SGCZ: variants seen among roughly 807,000 people sequenced by gnomAD.
The protein encoded by SGCZ is sarcoglycan zeta.
SGCZ carries 40 observed loss-of-function variants against 41.3 expected under a neutral mutation model. That is an observed-to-expected ratio of 0.97 (90% CI 0.75 to 1.26). SGCZ has a LOEUF of 1.26. Among genes scored for constraint, SGCZ ranks in the 50% most tolerant of loss-of-function variants. The pLI is 0.00. For missense variants in SGCZ, 552 were observed against 369.8 expected (o/e 1.49, Z -4.04); for synonymous variants, 206 against 137.5 (o/e 1.50, Z -3.49).
intron 1 of SGCZ, among the ~76,000 whole-genome samples, chr8:15,000,925 A>C (rs1042399264): frequency 2.6e-5 from 4 of 152,098 alleles, no homozygotes; most frequent in African/African-American, 9.7e-5. Context: ...CTGTGTCCTT[A>C]ATTCTTTCTT....
At chr8:14,842,807 A>G (rs1802971034) in intron 1 of SGCZ, among the ~76,000 whole-genome samples, 2 of 152,204 alleles carry the variant, frequency 1.3e-5, no homozygotes, top group South Asian at 4.1e-4. Context: ...GCATTTCAGG[A>G]GAGGCTATTA....
At chr8:15,061,428 T>G (rs147843622) in intron 1 of SGCZ, among the ~76,000 whole-genome samples, 85 of 151,446 alleles carry the variant, frequency 5.6e-4, no homozygotes, top group Non-Finnish European at 3.7e-4. Context: ...AAATACCTAA[T>G]GTACATGAGG....
At chr8:15,061,350 A>T (rs528083524) in intron 1 of SGCZ, among the ~76,000 whole-genome samples, 2 of 152,108 alleles carry the variant, frequency 1.3e-5, no homozygotes, top group African/African-American at 4.8e-5. Context: ...ACATGGACAC[A>T]GGGAGGAGAA....
At chr8:14,428,202 A>G (rs1264027090) in intron 2 of SGCZ, among the ~76,000 whole-genome samples, 1 of 151,794 alleles carries the variant, frequency 6.6e-6, no homozygotes, top group African/African-American at 2.4e-5. Flanking sequence ...ACATAAGCAC[A>G]TAATTACCTA....
Position 14,270,460 on chromosome 8 carries a change from G to A in SGCZ, c.337-32781C>T, listed in dbSNP as rs554837921. Among the ~76,000 whole-genome samples, 14 of 152,248 alleles carry A rather than the reference G, an allele frequency of 9.2e-5. No homozygotes were observed. In the South Asian group the frequency reaches 1.7e-3, roughly 18 times the overall value. ...TCCCAGTTACATTTTAAAATGAACC[G>A]ATACGGCTTCAGTTTTTCTAAATCT... is the stretch of plus-strand genomic sequence containing the variant. On this transcript the variant is annotated intron_variant, in intron 3 of 7. Transcript: ENST00000382080.
At chr8:14,255,996 T>C (rs897521562) in intron 3 of SGCZ, among the ~76,000 whole-genome samples, 1 of 152,146 alleles carries the variant, frequency 6.6e-6, no homozygotes, top group Non-Finnish European at 1.5e-5. Flanking sequence ...ATATTACATC[T>C]CTCACTTCGA....
chr8:14,654,359 C>T (rs13265711), intron 1 of SGCZ, among the ~76,000 whole-genome samples: 105,790 of 151,914 alleles, frequency 0.7, 39,753 homozygotes, highest in Non-Finnish European at 0.85. Context: ...GCTCACTGTG[C>T]CTCATTTTAC....
At chr8:14,240,131 A>C (rs2117175779) in intron 3 of SGCZ, among the ~76,000 whole-genome samples, 1 of 151,818 alleles carries the variant, frequency 6.6e-6, no homozygotes, top group East Asian at 2.0e-4. Context: ...GTTTGAAACC[A>C]GCCTGGCCAA....
At chr8:14,337,318 T>G (rs1405528243) in intron 2 of SGCZ, among the ~76,000 whole-genome samples, 2 of 152,080 alleles carry the variant, frequency 1.3e-5, no homozygotes, top group Non-Finnish European at 2.9e-5. Context: ...CCTGATAAGG[T>G]GGAAGAGACT....
At chr8:14,146,729 G>A (rs957891353) in intron 5 of SGCZ, among the ~76,000 whole-genome samples, 9 of 149,974 alleles carry the variant, frequency 6.0e-5, no homozygotes, top group Admixed American at 1.3e-4. Flanking sequence ...AAAATTAGCC[G>A]GGCGTAGTGG....
At chr8:14,858,792 G>C (rs58258770) in intron 1 of SGCZ, among the ~76,000 whole-genome samples, 7 of 151,856 alleles carry the variant, frequency 4.6e-5, no homozygotes, top group Non-Finnish European at 7.4e-5. Context: ...TTCATTATAT[G>C]ATATCAAAAT....
chr8:14,498,433 T>C (rs2117046084), intron 2 of SGCZ, among the ~76,000 whole-genome samples: 1 of 152,202 alleles, frequency 6.6e-6, no homozygotes, highest in African/African-American at 2.4e-5. Flanking sequence ...CATAATGCAA[T>C]ATGAGTGGAT....
chr8:15,170,240 G>A (rs1388448656), intron 1 of SGCZ, among the ~76,000 whole-genome samples: 1 of 152,116 alleles, frequency 6.6e-6, no homozygotes, highest in Non-Finnish European at 1.5e-5. Context: ...TGGCCACCTT[G>A]ACTTTCATAC....
At chr8:14,499,973 C>CA (rs199900265) in intron 2 of SGCZ, among the ~76,000 whole-genome samples, 169 of 150,922 alleles carry the variant, frequency 1.1e-3, no homozygotes, top group East Asian at 9.1e-3. Context: ...TACTGTCTTA[C>CA]AAAAAAAAAC....
At chr8:14,301,372 C>A (rs1441798742) in intron 3 of SGCZ, among the ~76,000 whole-genome samples, 1 of 149,436 alleles carries the variant, frequency 6.7e-6, no homozygotes. Flanking sequence ...ATTCAAATCA[C>A]AAAAAAAAAC....
chr8:14,105,949 C>A (rs576497344), intron 6 of SGCZ, among the ~76,000 whole-genome samples: 2 of 152,058 alleles, frequency 1.3e-5, no homozygotes, highest in Non-Finnish European at 2.9e-5. Flanking sequence ...AAAAATACTT[C>A]TATAAATGTA....
chr8:15,201,668 C>A (rs1439021720), intron 1 of SGCZ, among the ~76,000 whole-genome samples: 1 of 152,188 alleles, frequency 6.6e-6, no homozygotes, highest in African/African-American at 2.4e-5. Flanking sequence ...CCTCAACTCA[C>A]AGGGAAAATC....
intron 1 of SGCZ, among the ~76,000 whole-genome samples, chr8:14,803,508 G>A (rs900057970): frequency 3.9e-5 from 6 of 152,130 alleles, no homozygotes; most frequent in Admixed American, 6.5e-5. Flanking sequence ...CCCGAATACC[G>A]CGCTTTTCCG....
intron 1 of SGCZ, among the ~76,000 whole-genome samples, chr8:14,720,119 T>C (rs933935847): frequency 2.6e-5 from 4 of 152,026 alleles, no homozygotes; most frequent in Admixed American, 6.6e-5. Context: ...TTCTGACTTA[T>C]ATTTTTTTCT....
Sources: gnomAD v4.1 joint callset for allele counts (sites outside exome capture counted in the v4.1 genomes callset) on GRCh38, gnomAD v4.1.1 for gene constraint, MANE v1.5 for transcripts, NCBI Gene and HGNC (gene_info 2026-07-23, HGNC 2026-07-21) for gene names.